SLC66A2: variants seen among roughly 807,000 people sequenced by gnomAD.
SLC66A2 encodes the protein PQ loop repeat containing 1.
A neutral mutation model predicts 25.5 loss-of-function variants in SLC66A2; 23 were observed. That is an observed-to-expected ratio of 0.90 (90% CI 0.65 to 1.28). SLC66A2 has a LOEUF of 1.28. Ranked by LOEUF, SLC66A2 falls within the 50% of genes most tolerant of loss-of-function variation. The pLI is 0.00. For missense variants in SLC66A2, 396 were observed against 373.1 expected (o/e 1.06, Z -0.51); for synonymous variants, 193 against 166.5 (o/e 1.16, Z -1.23).
At chr18:79,909,652 T>C (rs1486865657) in intron 5 of SLC66A2, among the ~76,000 whole-genome samples, 14 of 61,090 alleles carry the variant, frequency 2.3e-4, no homozygotes, top group South Asian at 7.1e-4. Flanking sequence ...ATCCTCACCA[T>C]AGAGTCCCCA....
chr18:79,926,523 C>G (rs1005955555), intron 4 of SLC66A2, among the ~76,000 whole-genome samples: 2 of 152,108 alleles, frequency 1.3e-5, no homozygotes, highest in Non-Finnish European at 2.9e-5. Context: ...ATCGCACACT[C>G]GATGGGCGCT....
intron 2 of SLC66A2, among the ~76,000 whole-genome samples, chr18:79,948,701 C>T (rs1316620156): frequency 1.3e-5 from 2 of 152,112 alleles, no homozygotes; most frequent in Non-Finnish European, 2.9e-5. Context: ...AACCTCTAAG[C>T]GGAACTTCTT....
At chr18:79,925,773 T>C (rs1204146724) in intron 4 of SLC66A2, among the ~76,000 whole-genome samples, 1 of 152,148 alleles carries the variant, frequency 6.6e-6, no homozygotes, top group African/African-American at 2.4e-5. Flanking sequence ...CAGGAGCACA[T>C]GAGAGAGCCT....
In SLC66A2 at chr18:79,922,397, C is replaced by G. The variant is rs1435218459; in HGVS notation, c.392-2997G>C. 2.6e-5 allele frequency among the ~76,000 whole-genome samples: 4 copies of G among 152,120 alleles called. 1 individual carries two copies. In the South Asian group the frequency reaches 8.3e-4, roughly 31 times the overall value. On this transcript the variant is annotated intron_variant, in intron 4 of 5. Transcript: ENST00000397778. ...GACGCCTGGGTTAGGGGCGCAGCCC[C>G]CCTCGGGTTAACCACGGTCTCCTGT...
chr18:79,913,211 A>T (rs949170507), intron 5 of SLC66A2, among the ~76,000 whole-genome samples: 1 of 152,118 alleles, frequency 6.6e-6, no homozygotes, highest in African/African-American at 2.4e-5. Flanking sequence ...GTGGTCACAC[A>T]CTGTCGGGGT....
At chr18:79,939,385 A>T (rs964100763) in intron 3 of SLC66A2, among the ~76,000 whole-genome samples, 2 of 152,206 alleles carry the variant, frequency 1.3e-5, no homozygotes. Flanking sequence ...ATAATTGACA[A>T]AGGGGATCTA....
At chr18:79,948,515 A>AT (rs2144989659) in intron 2 of SLC66A2, among the ~76,000 whole-genome samples, 1 of 152,214 alleles carries the variant, frequency 6.6e-6, no homozygotes, top group Admixed American at 6.5e-5. Context: ...TAATGTTTCA[A>AT]TTTTTTGTAG....
Position 79,950,796 on chromosome 18 carries a change from T to G in SLC66A2, c.131A>C (p.Gln44Pro), listed in dbSNP as rs757625428. 1.2e-6 allele frequency: 2 copies of G among 1,613,068 alleles called. No homozygotes were observed. Among genetic ancestry groups the G allele is most frequent in the Non-Finnish European group, 1.7e-6 (2 of 1,179,996 alleles). ...VPQYRDIRRTQNADGFSTYVC... is the reference protein window; with the variant it reads ...VPQYRDIRRTPNADGFSTYVC... ...GTAGGTGGAGAAGCCGTCGGCGTTC[T>G]GCGTCCTGCGAATGTCCCGATACTG... Residue 44 changes from glutamine (Q) to proline (P), a missense_variant, in exon 2 of 6, where the codon CAG becomes CCG. Physicochemically the swap from Gln to Pro is moderately conservative, Grantham distance 76. Coordinates refer to ENST00000397778, the MANE Select transcript of SLC66A2 (RefSeq NM_025078.5).
rs1984315971 is a variant in SLC66A2, at chr18:79,917,304, T to C, written c.608+1880A>G. ...GCCTGCGCTGAACAGCAAAACCTGC[T>C]ACCCTGGAATCGAGAGCAACAGCTC... On this transcript the variant is annotated intron_variant, in intron 5 of 5. Transcript: ENST00000397778. The surrounding 1 kb of genome is among the most constrained non-coding windows in gnomAD (Gnocchi z 6.0). 6.6e-6 allele frequency among the ~76,000 whole-genome samples: 1 copy of C among 152,166 alleles called. No individual in the cohort carries two copies. The highest frequency in any genetic ancestry group is 1.5e-5 in the Non-Finnish European group (1 of 68,006).
intron 2 of SLC66A2, among the ~76,000 whole-genome samples, chr18:79,946,085 G>A: frequency 6.6e-6 from 1 of 152,346 alleles, no homozygotes; most frequent in East Asian, 1.9e-4. Context: ...CGAGACGGAG[G>A]AGGAGGCGGG....
At chr18:79,925,935 C>G (rs1179971117) in intron 4 of SLC66A2, among the ~76,000 whole-genome samples, 1 of 152,118 alleles carries the variant, frequency 6.6e-6, no homozygotes, top group Non-Finnish European at 1.5e-5. Context: ...GACAGGAGGT[C>G]GGCACAAGAT....
rs1035464436 is a variant in SLC66A2, at chr18:79,937,273, G to A, written c.338-3251C>T. 1.3e-5 allele frequency among the ~76,000 whole-genome samples: 2 copies of A among 152,150 alleles called. No homozygotes were observed. The highest frequency in any genetic ancestry group is 4.8e-5 in the African/African-American group (2 of 41,434). On this transcript the variant is annotated intron_variant, in intron 3 of 5. Transcript: ENST00000397778. This position sits in a 1 kb window ranked among gnomAD's most constrained non-coding sequence, Gnocchi z 5.4. ...GATGTAGCCGCCACACGAGCACCCT[G>A]TTATACCAGGATCCTGTGTAGAAGC... is the stretch of plus-strand genomic sequence containing the variant.
intron 2 of SLC66A2, among the ~76,000 whole-genome samples, chr18:79,945,943 C>G (rs1419569477): frequency 1.3e-5 from 2 of 152,234 alleles, no homozygotes; most frequent in Admixed American, 6.5e-5. Flanking sequence ...ATAGGCCAGT[C>G]CCCTGGGACA....
intron 4 of SLC66A2, among the ~76,000 whole-genome samples, chr18:79,926,307 G>C (rs1023306883): frequency 1.3e-5 from 2 of 151,998 alleles, no homozygotes; most frequent in African/African-American, 4.8e-5. Context: ...TCTTGTGCGA[G>C]ACCCAAGAGT....
intron 4 of SLC66A2, among the ~76,000 whole-genome samples, chr18:79,929,465 G>T (rs188217539): frequency 6.6e-6 from 1 of 152,248 alleles, no homozygotes; most frequent in Non-Finnish European, 1.5e-5. Context: ...CCCAAGTGGG[G>T]GAATCTGTAT....
intron 3 of SLC66A2, among the ~76,000 whole-genome samples, chr18:79,935,708 T>C (rs567688903): frequency 1.3e-5 from 2 of 152,116 alleles, no homozygotes; most frequent in South Asian, 2.1e-4. Flanking sequence ...CCAGGTCTCA[T>C]GAGGAGGCCT....
rs536932041 is a variant in SLC66A2 at position 79,918,654 on chromosome 18, C to T, written c.608+530G>A. 3.9e-5 allele frequency among the ~76,000 whole-genome samples: 6 copies of T among 152,370 alleles called. No individual in the cohort carries two copies. The highest frequency in any genetic ancestry group is 2.0e-4 in the Admixed American group (3 of 15,312). On this transcript the variant is annotated intron_variant, in intron 5 of 5. Coordinates refer to ENST00000397778, the MANE Select transcript of SLC66A2 (RefSeq NM_025078.5). The surrounding 1 kb of genome is among the most constrained non-coding windows in gnomAD (Gnocchi z 4.0). ...CGTTGTGCCCTACCTCTGGCGGTCA[C>T]GGGGACGTCCAGGCACGCACTGGTG...
chr18:79,950,406 G>C (rs2051077928), intron 2 of SLC66A2, among the ~76,000 whole-genome samples: 1 of 152,118 alleles, frequency 6.6e-6, no homozygotes, highest in South Asian at 2.1e-4. Context: ...GGGCAGGAAC[G>C]GCTCCTCTCC....
In SLC66A2 at chr18:79,904,443, C is replaced by G. The variant is rs939841778; in HGVS notation, c.609-260G>C. Among the ~76,000 whole-genome samples the G allele has an allele frequency of 1.2e-4, 19 of 152,218 alleles. No homozygotes were observed. Among genetic ancestry groups the G allele is most frequent in the African/African-American group, 4.6e-4 (19 of 41,520 alleles). On this transcript the variant is annotated intron_variant, in intron 5 of 5. Coordinates refer to ENST00000397778, the MANE Select transcript of SLC66A2 (RefSeq NM_025078.5). This position sits in a 1 kb window ranked among gnomAD's most constrained non-coding sequence, Gnocchi z 6.3. ...AAGGACACACCCTGACCCCACCTGT[C>G]CCATGCAACCCCCACCCTTGACTTC...
Sources: gnomAD v4.1 joint callset for allele counts (sites outside exome capture counted in the v4.1 genomes callset) on GRCh38, gnomAD v4.1.1 for gene constraint, Gnocchi (gnomAD v3.1) non-coding constraint, MANE v1.5 for transcripts, NCBI Gene and HGNC (gene_info 2026-07-23, HGNC 2026-07-21) for gene names.